The following TCF7L1 variants were observed in gnomAD, a reference collection of about 807,000 sequenced individuals.
TCF7L1 encodes transcription factor 7-like 1.
A neutral mutation model predicts 63.7 loss-of-function variants in TCF7L1; 18 were observed. That is an observed-to-expected ratio of 0.28 (90% CI 0.20 to 0.42). The LOEUF is 0.42. TCF7L1 is among the 10% of genes least tolerant of loss of function. The probability of loss-of-function intolerance (pLI) is 1.00; values close to 1 mark genes in which losing one functional copy is unlikely to be tolerated. For missense variants in TCF7L1, 654 were observed against 779.3 expected (o/e 0.84, Z 1.91); for synonymous variants, 355 against 340.9 (o/e 1.04, Z -0.46).
At chr2:85,192,385 A>G (rs1442682027) in intron 3 of TCF7L1, among the ~76,000 whole-genome samples, 4 of 152,100 alleles carry the variant, frequency 2.6e-5, no homozygotes, top group African/African-American at 9.7e-5. Flanking sequence ...GTAGAGCTCT[A>G]ATTTTATTTT....
intron 11 of TCF7L1, among the ~76,000 whole-genome samples, chr2:85,308,432 T>TCTCC (rs1247561162): frequency 1.3e-5 from 1 of 75,880 alleles, no homozygotes; most frequent in Non-Finnish European, 2.4e-5. Context: ...TCCCTCCTTT[T>TCTCC]CTCCCTCCCT....
chr2:85,284,112 G>A (rs542093489), intron 4 of TCF7L1, among the ~76,000 whole-genome samples: 2 of 152,342 alleles, frequency 1.3e-5, no homozygotes, highest in South Asian at 2.1e-4. Context: ...CCAGGTTCAA[G>A]CGATTCTCCT....
chr2:85,218,625 T>C (rs1679765445), intron 3 of TCF7L1, among the ~76,000 whole-genome samples: 1 of 147,350 alleles, frequency 6.8e-6, no homozygotes, highest in African/African-American at 2.5e-5. Flanking sequence ...AGTTAAAATA[T>C]CTTTTTATTC....
intron 3 of TCF7L1, among the ~76,000 whole-genome samples, chr2:85,267,330 C>CAAAAA (rs1217663362): frequency 9.1e-5 from 4 of 44,194 alleles, no homozygotes; most frequent in African/African-American, 2.5e-4. Context: ...GGCTCTGTCT[C>CAAAAA]AAAAAAAAAA....
At chr2:85,244,806 A>G (rs956373882) in intron 3 of TCF7L1, among the ~76,000 whole-genome samples, 2 of 152,082 alleles carry the variant, frequency 1.3e-5, no homozygotes, top group African/African-American at 4.8e-5. Context: ...TGAAGCTGAG[A>G]AAAAAAGAGG....
intron 3 of TCF7L1, among the ~76,000 whole-genome samples, chr2:85,278,919 G>A (rs533950728): frequency 2.4e-4 from 36 of 152,222 alleles, no homozygotes; most frequent in Non-Finnish European, 3.4e-4. Flanking sequence ...GGGAGCGATC[G>A]CTATTGCCAG....
chr2:85,159,231 C>T (rs759699401), intron 3 of TCF7L1, among the ~76,000 whole-genome samples: 11 of 152,122 alleles, frequency 7.2e-5, no homozygotes, highest in Admixed American at 1.3e-4. Flanking sequence ...CCTTTTAGGC[C>T]TTTCCTAGGG....
chr2:85,221,784 C>T (rs1679845402), intron 3 of TCF7L1, among the ~76,000 whole-genome samples: 1 of 152,080 alleles, frequency 6.6e-6, no homozygotes, highest in Admixed American at 6.5e-5. Context: ...CCATGGCATT[C>T]CCTCTCCCCT....
At chr2:85,209,115 A>G (rs1307020367) in intron 3 of TCF7L1, among the ~76,000 whole-genome samples, 2 of 151,966 alleles carry the variant, frequency 1.3e-5, no homozygotes, top group Non-Finnish European at 1.5e-5. Context: ...GGTAGCAGGC[A>G]AGCTGTTTCC....
At chr2:85,208,862 A>G (rs1679476927) in intron 3 of TCF7L1, among the ~76,000 whole-genome samples, 1 of 152,230 alleles carries the variant, frequency 6.6e-6, no homozygotes, top group African/African-American at 2.4e-5. Flanking sequence ...TTGAGAGACA[A>G]TATGAAGTTA....
In TCF7L1 at chr2:85,190,061, C is replaced by T. The variant is rs116068399; in HGVS notation, c.441+55611C>T. ...CCTTCAGCTTTTATCTTTGTGTACACCTCTTGGAGCCCCTGCTTAAGGGTA... is the reference window on the plus strand; with the variant it reads ...CCTTCAGCTTTTATCTTTGTGTACATCTCTTGGAGCCCCTGCTTAAGGGTA... On this transcript the variant is annotated intron_variant, in intron 3 of 11. Coordinates refer to ENST00000282111, the MANE Select transcript of TCF7L1 (RefSeq NM_031283.3). Among the ~76,000 whole-genome samples the T allele has an allele frequency of 4.1e-3, 630 of 152,294 alleles. 4 individuals are homozygous for T. Among genetic ancestry groups the T allele is most frequent in the African/African-American group, 0.015 (607 of 41,562 alleles).
rs144870800 is a variant in TCF7L1 at position 85,305,357 on chromosome 2, G to A, written c.943G>A (p.Val315Ile). 4.5e-5 allele frequency: 72 copies of A among 1,613,448 alleles called. No individual in the cohort carries two copies. Among genetic ancestry groups the A allele is most frequent in the Middle Eastern group, 3.3e-4 (2 of 6,084 alleles). ...IPHPAIVSPI[V>I]KQEPAPPSLS... ...CCACCCTGCCATCGTCTCCCCCATC[G>A]TCAAGCAGGAACCGGCACCCCCCAG... The change falls in exon 8 of 12, where the codon GTC becomes ATC. Residue 315 changes from valine to isoleucine, a missense_variant. Around this residue, in one of 3 missense-constraint regions of TCF7L1, gnomAD observed 404 missense variants for 454.8 expected, o/e 0.89. Transcript: ENST00000282111.
intron 3 of TCF7L1, among the ~76,000 whole-genome samples, chr2:85,205,537 G>T (rs11291713): frequency 0.067 from 3,641 of 54,528 alleles, 162 homozygotes; most frequent in African/African-American, 0.21. Flanking sequence ...AGCCCACATT[G>T]TTTTTTTTTT....
chr2:85,160,943 G>A (rs1351818047), intron 3 of TCF7L1, among the ~76,000 whole-genome samples: 2 of 152,198 alleles, frequency 1.3e-5, no homozygotes, highest in African/African-American at 2.4e-5. Flanking sequence ...TGTTTAATTG[G>A]TGTAAAACAG....
In TCF7L1 at chr2:85,273,595, T is replaced by G. The variant is rs188326200; in HGVS notation, c.442-9900T>G. Reference sequence around the variant, plus strand: ...TCAACTGGGAGAAATTTAATAACACTCCTCAGAACTTAAGTGTGCATATCT... The same window carrying G: ...TCAACTGGGAGAAATTTAATAACACGCCTCAGAACTTAAGTGTGCATATCT... On this transcript the variant is annotated intron_variant, in intron 3 of 11. Coordinates refer to ENST00000282111, the MANE Select transcript of TCF7L1 (RefSeq NM_031283.3). Among the ~76,000 whole-genome samples, 559 of 152,242 alleles carry G rather than the reference T, an allele frequency of 3.7e-3. 7 individuals are homozygous for G. Among genetic ancestry groups the G allele is most frequent in the African/African-American group, 0.013 (547 of 41,542 alleles).
In TCF7L1 at chr2:85,309,249, C is replaced by T. The variant is rs754353085; in HGVS notation, c.1554C>T (p.His518=). ...AAACCCGGGCCCAGCTGGCTCTCCA[C>T]TCTGCCGCCTTCCTGTCGGCTAAGG... ...KPETRAQLAL[H]SAAFLSAKAA... The change falls in exon 12 of 12, where the codon CAC becomes CAT. Residue 518 remains histidine, a synonymous_variant. Transcript: ENST00000282111. 7.4e-6 allele frequency: 12 copies of T among 1,613,950 alleles called. No individual in the cohort carries two copies. In the East Asian group the frequency reaches 2.5e-4, roughly 33 times the overall value.
intron 3 of TCF7L1, among the ~76,000 whole-genome samples, chr2:85,244,196 A>G (rs1441502344): frequency 6.6e-6 from 1 of 152,118 alleles, no homozygotes; most frequent in East Asian, 1.9e-4. Flanking sequence ...GCACTGAAGG[A>G]GGCACAGTCA....
chr2:85,284,379 A>G (rs937603987), intron 4 of TCF7L1, among the ~76,000 whole-genome samples: 3 of 152,190 alleles, frequency 2.0e-5, no homozygotes, highest in Non-Finnish European at 2.9e-5. Context: ...AATGCTCCTC[A>G]GGGCAGCCGA....
rs202221344 is a variant in TCF7L1 at position 85,298,503 on chromosome 2, G to A, written c.526-3981G>A. Reference sequence around the variant, plus strand: ...TCTCAAAAAAAAAAAAAAAAAAAAAGCATGTGAGAGAGGACACATGGCTTC... The same window carrying A: ...TCTCAAAAAAAAAAAAAAAAAAAAAACATGTGAGAGAGGACACATGGCTTC... On this transcript the variant is annotated intron_variant, in intron 4 of 11. Transcript: ENST00000282111. Among the ~76,000 whole-genome samples the A allele has an allele frequency of 4.1e-3, 432 of 105,070 alleles. 1 individual carries two copies. The highest frequency in any genetic ancestry group is 9.3e-3 in the African/African-American group (206 of 22,134). The allele number at this position is 105,070 out of a possible 152,430, so 68.9% of individuals were successfully genotyped here.
Sources: gnomAD v4.1 joint callset for allele counts (sites outside exome capture counted in the v4.1 genomes callset) on GRCh38, gnomAD v4.1.1 for gene constraint, gnomAD v4.1.1 regional missense constraint, MANE v1.5 for transcripts, NCBI Gene and HGNC (gene_info 2026-07-23, HGNC 2026-07-21) for gene names.